Variants in POLR2B observed in about 807,000 individuals in gnomAD.
POLR2B encodes the protein RNA polymerase II subunit B.
In POLR2B, 57 loss-of-function variants were observed where a neutral mutation model predicts 144.6. The ratio of observed to expected loss-of-function variants is 0.39; its 90% CI spans 0.32 to 0.49. The LOEUF is 0.49. Ranked by LOEUF, POLR2B falls within the 20% of genes least tolerant of loss-of-function variation. The pLI is 0.83. For synonymous variants in POLR2B, 442 were observed against 469.8 expected, an observed-to-expected ratio of 0.94 and a Z score of 0.77; for missense variants, 595 against 1,467.4, an observed-to-expected ratio of 0.41 and a Z score of 9.71.
At position 57,022,343 on chromosome 4, in the gene POLR2B, CT is replaced by C. The variant is rs1723579481; in HGVS notation, c.2515+98del. On this transcript the variant is annotated intron_variant, in intron 18 of 24. Transcript: ENST00000314595. ...GGGTTGTGTCACCCTGTGCCTGCCC[CT>C]GTCCTCCTCTCCCTTTTTTTGTGCA... 1.9e-5 allele frequency: 13 copies of C among 693,382 alleles called. 1 individual carries two copies. The highest frequency in any genetic ancestry group is 3.1e-5 in the Non-Finnish European group (12 of 392,126). 43.0% of individuals were successfully genotyped at this position (693,382 alleles called of 1,614,324 possible).
In POLR2B at chr4:57,030,835, G is replaced by A. The variant is rs749253779; in HGVS notation, c.3436-64G>A. ...CAGTACCAGATCTTTGTCTTTTTCT[G>A]GGGTAGAGAAGTGGGGTCACTTCAA... is the stretch of plus-strand genomic sequence containing the variant. On this transcript the variant is annotated intron_variant, in intron 24 of 24. Coordinates refer to ENST00000314595, the MANE Select transcript of POLR2B (RefSeq NM_000938.3). 58 of 886,136 alleles carry A rather than the reference G, an allele frequency of 6.5e-5. No individual in the cohort carries two copies. Among genetic ancestry groups the A allele is most frequent in the Non-Finnish European group, 9.0e-5 (47 of 520,734 alleles). 54.9% of individuals were successfully genotyped at this position (886,136 alleles called of 1,614,324 possible).
At chr4:56,981,254 C>T (rs73242624) in intron 1 of POLR2B, among the ~76,000 whole-genome samples, 2 of 151,768 alleles carry the variant, frequency 1.3e-5, no homozygotes, top group African/African-American at 4.8e-5. Context: ...TCGCGCCCCC[C>T]CTCCCGTGTC....
intron 6 of POLR2B, among the ~76,000 whole-genome samples, chr4:56,998,089 T>C (rs936555380): frequency 1.3e-5 from 2 of 152,218 alleles, no homozygotes; most frequent in Non-Finnish European, 2.9e-5. Context: ...TCAATTAAGA[T>C]ACTATGATTT....
At chr4:56,998,900 CAG>C (rs1722769538) in intron 6 of POLR2B, among the ~76,000 whole-genome samples, 2 of 152,030 alleles carry the variant, frequency 1.3e-5, no homozygotes, top group Admixed American at 1.3e-4. Flanking sequence ...AGGAAGATGA[CAG>C]AAGTTATTAG....
chr4:56,999,038 T>C (rs1722774498), intron 6 of POLR2B, among the ~76,000 whole-genome samples: 1 of 152,174 alleles, frequency 6.6e-6, no homozygotes, highest in Non-Finnish European at 1.5e-5. Flanking sequence ...TTAATTTGTC[T>C]TTGTATATGC....
chr4:57,023,721 G>A lies in POLR2B; in HGVS notation c.2826G>A (p.Lys942=). The part of the protein sequence containing the change: ...GDKFASRHGQ[K]GTCGIQYRQE... ...AATTTGCTAGTCGACATGGTCAAAA[G>A]GGTACTTGTGGTATTCAGTATAGAC... Residue 942 remains lysine (K), a synonymous_variant, in exon 20 of 25, where the codon AAG becomes AAA. Coordinates refer to ENST00000314595, the MANE Select transcript of POLR2B (RefSeq NM_000938.3). This position sits in a 1 kb window ranked among gnomAD's most constrained non-coding sequence, Gnocchi z 4.3. 6.2e-7 allele frequency: 1 copy of A among 1,611,334 alleles called. No individual in the cohort carries two copies. The highest frequency in any genetic ancestry group is 8.5e-7 in the Non-Finnish European group (1 of 1,177,600).
intron 10 of POLR2B, among the ~76,000 whole-genome samples, chr4:57,008,205 G>GT (rs1179552926): frequency 1.4e-3 from 89 of 64,776 alleles, no homozygotes; most frequent in South Asian, 3.0e-3. Flanking sequence ...TCAAGGAATT[G>GT]GTTTTTTTTT....
chr4:57,009,540 A>G (rs1196832947), intron 10 of POLR2B: 1 of 152,208 alleles, frequency 6.6e-6, no homozygotes, highest in Non-Finnish European at 1.5e-5. Flanking sequence ...GAGCTGATGG[A>G]CGTAGTATAG....
chr4:56,999,711 GT>G lies in POLR2B; in HGVS notation c.834del (p.Phe278LeufsTer8). 6.2e-7 allele frequency: 1 copy of G among 1,610,756 alleles called. No individual in the cohort carries two copies. Among genetic ancestry groups the G allele is most frequent in the Non-Finnish European group, 8.5e-7 (1 of 1,177,126 alleles). ...VPIIIVFRAL[G>X]FVSDRDILEH... is the part of the protein sequence containing the mutation. ...ATCATTATTGTGTTCAGAGCATTAG[GT>G]TTTGTGTCCGACAGAGATATTTTAG... On this transcript the variant is annotated frameshift_variant, in exon 7 of 25. Coordinates refer to ENST00000314595, the MANE Select transcript of POLR2B (RefSeq NM_000938.3). LOFTEE classifies it high-confidence loss of function.
At chr4:57,025,577 A>G in intron 23 of POLR2B, 40 bp downstream of exon 23, 1 of 1,381,628 alleles carries the variant, frequency 7.2e-7, no homozygotes, top group Non-Finnish European at 1.0e-6. Context: ...AATTAACCTT[A>G]TATTATGAAA....
chr4:56,992,320 C>T (rs963190811), intron 3 of POLR2B, among the ~76,000 whole-genome samples: 3 of 150,932 alleles, frequency 2.0e-5, no homozygotes, highest in African/African-American at 7.3e-5. Flanking sequence ...CAAAAATTAG[C>T]CGGGTGTGGT....
intron 3 of POLR2B, 43 bp from the exon 4 acceptor site, chr4:56,994,361 A>G (rs750809564): frequency 2.9e-6 from 3 of 1,034,316 alleles, no homozygotes; most frequent in East Asian, 5.0e-5. Context: ...ACTTTTATGG[A>G]AAAAATTATT....
At position 56,978,947 on chromosome 4, in the gene POLR2B, T is replaced by C. The variant is rs372289636; in HGVS notation, c.-39T>C. ...TGGCTTCTGGGCGGTTTTTGTCTTT[T>C]GATTTCAAGAGTTAGGAGCTCGAGA... On this transcript the variant is annotated 5_prime_UTR_variant, in exon 1 of 25. Transcript: ENST00000314595. 2.5e-5 allele frequency: 41 copies of C among 1,610,972 alleles called. No individual in the cohort carries two copies. In the African/African-American group the frequency reaches 4.3e-4, roughly 17 times the overall value.
chr4:56,985,455 G>A, intron 1 of POLR2B: 1 of 985,508 alleles, frequency 1.0e-6, no homozygotes, highest in South Asian at 4.7e-5. Flanking sequence ...CGACTTTCGG[G>A]CGGTGAGTGA....
intron 6 of POLR2B, among the ~76,000 whole-genome samples, chr4:56,996,558 A>G (rs1722697616): frequency 6.6e-6 from 1 of 151,720 alleles, no homozygotes; most frequent in Admixed American, 6.6e-5. Context: ...TGCTGGGATT[A>G]CAGGCGTGAG....
At chr4:57,020,656 T>C (rs1409920137) in intron 16 of POLR2B, among the ~76,000 whole-genome samples, 1 of 152,172 alleles carries the variant, frequency 6.6e-6, no homozygotes, top group African/African-American at 2.4e-5. Flanking sequence ...TGTAATCACT[T>C]ACTATAAGAA....
intron 6 of POLR2B, among the ~76,000 whole-genome samples, chr4:56,997,930 A>G (rs1722739050): frequency 6.6e-6 from 1 of 152,192 alleles, no homozygotes. Flanking sequence ...CTTTGTCGAG[A>G]GGCATCGGCC....
At chr4:56,994,601 A>T in intron 4 of POLR2B, 46 bp from the exon 5 acceptor site, 1 of 1,462,974 alleles carries the variant, frequency 6.8e-7, no homozygotes, top group Non-Finnish European at 9.6e-7. Context: ...GATTTGTTTT[A>T]ACAGATACCC....
At chr4:57,009,396 G>T (rs921649820) in intron 10 of POLR2B, among the ~76,000 whole-genome samples, 1 of 152,056 alleles carries the variant, frequency 6.6e-6, no homozygotes, top group East Asian at 1.9e-4. Context: ...TTGTTTTTGG[G>T]GCTTCATTGA....
Sources: allele counts gnomAD v4.1 joint callset (sites outside exome capture counted in the v4.1 genomes callset), GRCh38; gene constraint gnomAD v4.1.1; non-coding constraint Gnocchi (gnomAD v3.1); transcripts MANE v1.5; gene names NCBI Gene and HGNC (gene_info 2026-07-23, HGNC 2026-07-21).